The following ANKRD11 variants were observed in gnomAD, a reference collection of about 807,000 sequenced individuals.
ANKRD11 encodes the protein ankyrin repeat domain 11.
A neutral mutation model predicts 195.7 loss-of-function variants in ANKRD11; 17 were observed. The observed-to-expected ratio is 0.09, with a 90% CI of 0.06 to 0.13. The LOEUF (loss-of-function observed/expected upper bound fraction) is 0.13, where lower values mean the gene tolerates loss of function less well. Ranked by LOEUF, ANKRD11 falls within the 10% of genes least tolerant of loss-of-function variation. ANKRD11 has a pLI of 1.00. For synonymous variants in ANKRD11, 1,953 were observed against 1,528.1 expected (o/e 1.28, Z -6.49); for missense variants, 3,735 against 3,566.1 (o/e 1.05, Z -1.21).
intron 1 of ANKRD11, among the ~76,000 whole-genome samples, chr16:89,481,762 G>A (rs1006447476): frequency 2.6e-5 from 4 of 152,074 alleles, no homozygotes; most frequent in Admixed American, 2.0e-4. Context: ...TCTTGGATGG[G>A]CTTTCGTGTT....
At chr16:89,399,289 C>T (rs2041593852) in intron 2 of ANKRD11, among the ~76,000 whole-genome samples, 1 of 152,160 alleles carries the variant, frequency 6.6e-6, no homozygotes, top group Non-Finnish European at 1.5e-5. Context: ...TGACCCAAGA[C>T]ACTCATAGGT....
chr16:89,324,505 T>C, intron 2 of ANKRD11: 1 of 456,312 alleles, frequency 2.2e-6, no homozygotes, highest in East Asian at 6.9e-5. Flanking sequence ...TGGGAGCATC[T>C]TGAGGAAGCT....
chr16:89,466,198 C>T (rs574569675), intron 1 of ANKRD11, among the ~76,000 whole-genome samples: 1 of 152,192 alleles, frequency 6.6e-6, no homozygotes, highest in South Asian at 2.1e-4. Flanking sequence ...AACGAGCCCC[C>T]ACCTGCTGAC....
chr16:89,446,662 A>G (rs1699497906), intron 1 of ANKRD11, among the ~76,000 whole-genome samples: 1 of 152,158 alleles, frequency 6.6e-6, no homozygotes, highest in Admixed American at 6.5e-5. Flanking sequence ...CAGGCCATCA[A>G]GGGCTGTGAA....
chr16:89,286,061 A>C lies in ANKRD11; in HGVS notation c.870T>G (p.Thr290=). 4.3e-6 allele frequency: 7 copies of C among 1,614,220 alleles called. No homozygotes were observed. Among genetic ancestry groups the C allele is most frequent in the Non-Finnish European group, 5.9e-6 (7 of 1,180,040 alleles). The change falls in exon 8 of 13, where the codon ACT becomes ACG. Residue 290 remains threonine, a synonymous_variant. Transcript: ENST00000301030. ...TACCCGTCGAGCTCTCCTCGCTGGA[A>C]GTGTAAGTGCCTTTGCCTAACAGGA... ...VNLLLGKGTY[T]SSEESSTESS... is the part of the protein sequence containing the mutation.
At chr16:89,393,058 A>C (rs2041266998) in intron 2 of ANKRD11, among the ~76,000 whole-genome samples, 1 of 152,048 alleles carries the variant, frequency 6.6e-6, no homozygotes, top group South Asian at 2.1e-4. Flanking sequence ...CCCTCAGTGG[A>C]GCCTCCGGCA....
intron 2 of ANKRD11, 118 bp downstream of exon 2, chr16:89,418,166 G>A (rs987914015): frequency 1.9e-5 from 8 of 411,922 alleles, no homozygotes; most frequent in Non-Finnish European, 3.5e-5. Context: ...ACAACATTTC[G>A]ACAAAACTCT....
At chr16:89,292,688 C>G (rs2035142030) in intron 4 of ANKRD11, among the ~76,000 whole-genome samples, 1 of 152,250 alleles carries the variant, frequency 6.6e-6, no homozygotes, top group Non-Finnish European at 1.5e-5. Flanking sequence ...ACGCACAGAT[C>G]TGAGAAAGCA....
At chr16:89,475,301 G>A (rs192903999) in intron 1 of ANKRD11, among the ~76,000 whole-genome samples, 5 of 152,164 alleles carry the variant, frequency 3.3e-5, no homozygotes, top group South Asian at 4.1e-4. Flanking sequence ...CTGAGGCTCC[G>A]TGGCCAAGCT....
intron 2 of ANKRD11, among the ~76,000 whole-genome samples, chr16:89,399,260 C>T (rs1288099724): frequency 6.6e-6 from 1 of 152,038 alleles, no homozygotes; most frequent in African/African-American, 2.4e-5. Context: ...TAAGAGAAGC[C>T]CAGAGAGACA....
chr16:89,357,456 T>A (rs148434507), intron 2 of ANKRD11, among the ~76,000 whole-genome samples: 1 of 151,596 alleles, frequency 6.6e-6, no homozygotes, highest in Non-Finnish European at 1.5e-5. Context: ...AAAAAAACAG[T>A]GTGACGATTC....
At chr16:89,375,277 A>G (rs994880144) in intron 2 of ANKRD11, among the ~76,000 whole-genome samples, 17 of 152,194 alleles carry the variant, frequency 1.1e-4, no homozygotes, top group Non-Finnish European at 2.4e-4. Context: ...GAAATTGTGT[A>G]TCACAGTAAA....
chr16:89,363,696 C>A (rs1409265825), intron 2 of ANKRD11, among the ~76,000 whole-genome samples: 1 of 152,090 alleles, frequency 6.6e-6, no homozygotes, highest in Admixed American at 6.5e-5. Flanking sequence ...TGGCCCAGGC[C>A]CCTGTGAAAC....
At chr16:89,332,920 G>A (rs763395278) in intron 2 of ANKRD11, among the ~76,000 whole-genome samples, 5 of 152,226 alleles carry the variant, frequency 3.3e-5, no homozygotes, top group Non-Finnish European at 7.3e-5. Flanking sequence ...AGTTGAGAAC[G>A]TAGTTACAAA....
intron 2 of ANKRD11, among the ~76,000 whole-genome samples, chr16:89,408,563 A>C (rs1043755032): frequency 2.0e-5 from 3 of 152,152 alleles, no homozygotes; most frequent in African/African-American, 7.2e-5. Flanking sequence ...GCCCAGGCTG[A>C]CGAGCGTGAG....
intron 1 of ANKRD11, among the ~76,000 whole-genome samples, chr16:89,463,383 GCT>G (rs2056769371): frequency 6.6e-6 from 1 of 152,168 alleles, no homozygotes; most frequent in African/African-American, 2.4e-5. Flanking sequence ...CCAACCCTGT[GCT>G]CTCTGAAACA....
chr16:89,313,555 A>G (rs2036744993), intron 3 of ANKRD11: 5 of 1,288,846 alleles, frequency 3.9e-6, no homozygotes, highest in African/African-American at 1.5e-5. Context: ...TCTTCCACGT[A>G]TATGTCACTG....
chr16:89,453,011 C>T (rs1480963692), intron 1 of ANKRD11, among the ~76,000 whole-genome samples: 1 of 152,114 alleles, frequency 6.6e-6, no homozygotes, highest in East Asian at 1.9e-4. Flanking sequence ...GTGTCAAACT[C>T]CTGGGCTCAA....
At chr16:89,342,648 T>A (rs897319953) in intron 2 of ANKRD11, among the ~76,000 whole-genome samples, 2 of 152,228 alleles carry the variant, frequency 1.3e-5, no homozygotes, top group African/African-American at 4.8e-5. Flanking sequence ...AAGTATGAGC[T>A]GACATTCTTA....
Sources: allele counts gnomAD v4.1 joint callset (sites outside exome capture counted in the v4.1 genomes callset), GRCh38; gene constraint gnomAD v4.1.1; transcripts MANE v1.5; gene names NCBI Gene and HGNC (gene_info 2026-07-23, HGNC 2026-07-21).